Variants in UMODL1 observed in about 807,000 individuals in gnomAD.
UMODL1 encodes uromodulin-like 1.
In UMODL1, 128 loss-of-function variants were observed where a neutral mutation model predicts 136.3. That is an observed-to-expected ratio of 0.94 (90% CI 0.81 to 1.09). UMODL1 has a LOEUF of 1.09. UMODL1 is among the 50% of genes least tolerant of loss of function. The pLI is 0.00. For synonymous variants in UMODL1, 721 were observed against 720.0 expected, an observed-to-expected ratio of 1.00 and a Z score of -0.02; for missense variants, 1,766 against 1,725.6, an observed-to-expected ratio of 1.02 and a Z score of -0.41.
At position 42,122,359 on chromosome 21, in the gene UMODL1, A is replaced by T. The variant is rs2066983419; in HGVS notation, c.2828-472A>T. On this transcript the variant is annotated intron_variant, in intron 16 of 22. Coordinates refer to ENST00000408910, the MANE Select transcript of UMODL1 (RefSeq NM_001004416.3). The surrounding 1 kb of genome is among the most constrained non-coding windows in gnomAD (Gnocchi z 4.3). ...TGGAGTGGGAAGTTTGGGCACAAGGACCTCAAGAGGAGGCATCATTACCCC... is the reference window on the plus strand; with the variant it reads ...TGGAGTGGGAAGTTTGGGCACAAGGTCCTCAAGAGGAGGCATCATTACCCC... 1.3e-5 allele frequency among the ~76,000 whole-genome samples: 2 copies of T among 152,220 alleles called. No individual in the cohort carries two copies. The highest frequency in any genetic ancestry group is 2.1e-4 in the South Asian group (1 of 4,822).
chr21:42,117,600 AG>A (rs2066916980), intron 14 of UMODL1, among the ~76,000 whole-genome samples: 1 of 152,160 alleles, frequency 6.6e-6, no homozygotes, highest in Non-Finnish European at 1.5e-5. Context: ...CAGCACAGAG[AG>A]GGTTTGACAT....
chr21:42,079,747 C>T (rs895605835), intron 2 of UMODL1, among the ~76,000 whole-genome samples: 2 of 152,202 alleles, frequency 1.3e-5, no homozygotes, highest in African/African-American at 4.8e-5. Flanking sequence ...AGGGGAGGCC[C>T]GCGCCTCCAC....
chr21:42,103,933 C>G lies in UMODL1; in HGVS notation c.1365C>G (p.Ile455Met), dbSNP rs139536052. The stretch of plus-strand genomic sequence containing the variant: ...GAAGTGGGAAGCTGAGAATGCAGAT[C>G]GTGTCTCTCCAGGCGGGAAGTGTGG... ...LYRSGKLRMQ[I>M]VSLQAGSVVV... Residue 455 changes from isoleucine (I) to methionine (M), a missense_variant, in exon 9 of 23, where the codon ATC becomes ATG. Ile to Met is a conservative substitution (Grantham distance 10). Transcript: ENST00000408910. 3.1e-6 allele frequency: 5 copies of G among 1,614,030 alleles called. No individual in the cohort carries two copies. Among genetic ancestry groups the G allele is most frequent in the Non-Finnish European group, 1.7e-6 (2 of 1,180,048 alleles).
chr21:42,067,622 G>A (rs1346417566), upstream of UMODL1, among the ~76,000 whole-genome samples: 1 of 152,218 alleles, frequency 6.6e-6, no homozygotes, highest in East Asian at 1.9e-4. Flanking sequence ...AAAACACACC[G>A]GCACGTGCGT....
chr21:42,126,876 G>C, intron 18 of UMODL1, 130 bp from the exon 19 acceptor site: 1 of 822,958 alleles, frequency 1.2e-6, no homozygotes, highest in Non-Finnish European at 2.0e-6. Context: ...TCTCGTTTGG[G>C]GTTGAGGGGG....
At position 42,085,206 on chromosome 21, in the gene UMODL1, T is replaced by A. The variant is rs2066411394; in HGVS notation, c.482-85T>A. On this transcript the variant is annotated intron_variant, in intron 3 of 22. Coordinates refer to ENST00000408910, the MANE Select transcript of UMODL1 (RefSeq NM_001004416.3). This position sits in a 1 kb window ranked among gnomAD's most constrained non-coding sequence, Gnocchi z 4.5. ...GGGCCTCTCATGGCCTCTGGTTCCCTCTCCTGCCCCCTCTCCCACCCCAGC... is the reference window on the plus strand; with the variant it reads ...GGGCCTCTCATGGCCTCTGGTTCCCACTCCTGCCCCCTCTCCCACCCCAGC... 2 of 1,533,456 alleles carry A rather than the reference T, an allele frequency of 1.3e-6. No homozygotes were observed. The highest frequency in any genetic ancestry group is 3.8e-5 in the Admixed American group (2 of 52,410). The allele number at this position is 1,533,456 out of a possible 1,614,324, so 95.0% of individuals were successfully genotyped here.
intron 6 of UMODL1, among the ~76,000 whole-genome samples, chr21:42,096,313 T>C (rs1454491982): frequency 1.3e-5 from 2 of 152,204 alleles, no homozygotes; most frequent in African/African-American, 2.4e-5. Context: ...GTTGCAAAAG[T>C]CACTGACGGC....
At position 42,137,526 on chromosome 21, in the gene UMODL1, C is replaced by T. The variant is rs780127952; in HGVS notation, c.3863C>T (p.Ala1288Val). Reference sequence around the variant, plus strand: ...ATCTTCGTGCTGGTGGCGGGAACAGCCACCCTTCTGATCGTGCGCTACCAG... The same window carrying T: ...ATCTTCGTGCTGGTGGCGGGAACAGTCACCCTTCTGATCGTGCGCTACCAG... The part of the protein sequence containing the change: ...VAIFVLVAGT[A>V]TLLIVRYQRM... The change falls in exon 22 of 23, where the codon GCC becomes GTC. Residue 1288 changes from alanine (A) to valine (V), a missense_variant. Physicochemically the swap from Ala to Val is moderately conservative, Grantham distance 64 (BLOSUM62 0). Coordinates refer to ENST00000408910, the MANE Select transcript of UMODL1 (RefSeq NM_001004416.3). 1.2e-6 allele frequency: 2 copies of T among 1,614,100 alleles called. No individual in the cohort carries two copies.
At chr21:42,108,871 A>G in intron 9 of UMODL1, among the ~76,000 whole-genome samples, 1 of 134,358 alleles carries the variant, frequency 7.4e-6, no homozygotes, top group East Asian at 2.2e-4. Context: ...GCTGGACCCC[A>G]CCCCCGGCGT....
At chr21:42,118,451 G>T (rs2066926476) in intron 14 of UMODL1, among the ~76,000 whole-genome samples, 1 of 152,230 alleles carries the variant, frequency 6.6e-6, no homozygotes, top group Non-Finnish European at 1.5e-5. Flanking sequence ...AAGATTGTTT[G>T]CCTTTCTGAG....
Position 42,085,511 on chromosome 21 carries a change from G to A in UMODL1, c.603+99G>A, listed in dbSNP as rs1039119761. 28 of 1,564,870 alleles carry A rather than the reference G, an allele frequency of 1.8e-5. No individual in the cohort carries two copies. Among genetic ancestry groups the A allele is most frequent in the Non-Finnish European group, 2.3e-5 (27 of 1,151,572 alleles). On this transcript the variant is annotated intron_variant, in intron 4 of 22. Transcript: ENST00000408910. This position sits in a 1 kb window ranked among gnomAD's most constrained non-coding sequence, Gnocchi z 4.5. ...TGGAAGGGACCTGGGGGTTGGGGAG[G>A]GTGATGTTCCCCAAATGGCCCCAAA...
rs558518951 is a variant in UMODL1 at position 42,132,252 on chromosome 21, C to G, written c.3775+2455C>G. Among the ~76,000 whole-genome samples the G allele has an allele frequency of 2.6e-5, 4 of 151,782 alleles. No individual in the cohort carries two copies. The South Asian group carries it at 8.4e-4, about 32-fold the overall frequency. ...TCCATCCATCTATCCATTGGTCATC[C>G]ATCTATCCACCCATTCATTCATCTA... is the stretch of plus-strand genomic sequence containing the variant. On this transcript the variant is annotated intron_variant, in intron 21 of 22. Coordinates refer to ENST00000408910, the MANE Select transcript of UMODL1 (RefSeq NM_001004416.3).
chr21:42,108,920 C>A (rs562337033), intron 9 of UMODL1, among the ~76,000 whole-genome samples: 1 of 64,894 alleles, frequency 1.5e-5, no homozygotes, highest in African/African-American at 7.6e-5. Flanking sequence ...CCCCACCCCC[C>A]CCACGAGAGA....
Position 42,098,820 on chromosome 21 carries a change from A to G in UMODL1, c.932-106A>G, listed in dbSNP as rs966982438. 7 of 1,509,424 alleles carry G rather than the reference A, an allele frequency of 4.6e-6. No individual in the cohort carries two copies. The African/African-American group carries it at 9.7e-5, about 21-fold the overall frequency. 93.5% of individuals were successfully genotyped at this position (1,509,424 alleles called of 1,614,324 possible). A position where few individuals can be genotyped will look rare whatever the true frequency, so the allele number is the denominator to read the frequency against. ...TGTTCTGGATGGGTCAACTTGATCA[A>G]TAAATCAGTGAGAACCAAGTTGAGA... On this transcript the variant is annotated intron_variant, in intron 6 of 22. Transcript: ENST00000408910.
Position 42,113,803 on chromosome 21 carries a change from G to A in UMODL1, c.2335G>A (p.Ala779Thr), listed in dbSNP as rs112507102. Residue 779 changes from alanine to threonine, a missense_variant, in exon 13 of 23, where the codon GCC becomes ACC. Ala to Thr is a moderately conservative substitution (Grantham distance 58). Transcript: ENST00000408910. ...GGCCAAAGCATGTGGGAAAGAAGGT[G>A]CCAGAGCTCATCTGAAAGTGAGGAC... The part of the protein sequence containing the change: ...IMAKACGKEG[A>T]RAHLKVRTAA... 724 of 1,613,828 alleles carry A rather than the reference G, an allele frequency of 4.5e-4. 4 individuals are homozygous for A. The African/African-American group carries it at 8.6e-3, about 19-fold the overall frequency.
intron 2 of UMODL1, among the ~76,000 whole-genome samples, chr21:42,082,454 G>A (rs1431874239): frequency 2.0e-5 from 3 of 152,138 alleles, no homozygotes; most frequent in South Asian, 2.1e-4. Context: ...AAACATCCCC[G>A]GGCCATAGAC....
chr21:42,102,079 C>T (rs887906442), intron 7 of UMODL1, 87 bp from the exon 8 acceptor site: 19 of 998,414 alleles, frequency 1.9e-5, no homozygotes, highest in South Asian at 3.2e-5. Flanking sequence ...AAAATTATCC[C>T]GCCAAAGAGT....
chr21:42,082,135 C>T (rs908681627), intron 2 of UMODL1, among the ~76,000 whole-genome samples: 2 of 152,212 alleles, frequency 1.3e-5, no homozygotes, highest in South Asian at 2.1e-4. Flanking sequence ...GTGAGGAGAG[C>T]GGGGATGCAG....
chr21:42,113,445 C>T (rs1025299969), intron 12 of UMODL1, 128 bp from the exon 13 acceptor site: 19 of 1,164,740 alleles, frequency 1.6e-5, no homozygotes, highest in Non-Finnish European at 1.7e-5. Flanking sequence ...CCCATCACCT[C>T]GGCGGCCATC....
Sources: allele counts gnomAD v4.1 joint callset (sites outside exome capture counted in the v4.1 genomes callset), GRCh38; gene constraint gnomAD v4.1.1; non-coding constraint Gnocchi (gnomAD v3.1); transcripts MANE v1.5; gene names NCBI Gene and HGNC (gene_info 2026-07-23, HGNC 2026-07-21).